The following CD200R1 variants were observed in gnomAD, a reference collection of about 807,000 sequenced individuals.
The protein encoded by CD200R1 is CD200 receptor 1.
A neutral mutation model predicts 38.1 loss-of-function variants in CD200R1; 30 were observed. That is an observed-to-expected ratio of 0.79 (90% CI 0.59 to 1.07). The LOEUF (loss-of-function observed/expected upper bound fraction) is 1.07, where lower values mean the gene tolerates loss of function less well. Ranked by LOEUF, CD200R1 falls within the 50% of genes least tolerant of loss-of-function variation. The pLI, the probability that CD200R1 is intolerant of heterozygous loss-of-function variation, is 0.00. For missense variants in CD200R1, 372 were observed against 415.4 expected (o/e 0.90, Z 0.91); for synonymous variants, 128 against 152.1 (o/e 0.84, Z 1.16).
At chr3:112,938,581 A>G (rs990454053) in intron 2 of CD200R1, among the ~76,000 whole-genome samples, 3 of 152,130 alleles carry the variant, frequency 2.0e-5, no homozygotes, top group African/African-American at 7.2e-5. Flanking sequence ...CCTCAGTCCA[A>G]TAATGAGTAA....
At chr3:112,959,775 G>C (rs1932971918) in intron 1 of CD200R1, among the ~76,000 whole-genome samples, 1 of 152,014 alleles carries the variant, frequency 6.6e-6, no homozygotes, top group Non-Finnish European at 1.5e-5. Context: ...GATCTTCAAA[G>C]TTATTATAAT....
chr3:112,970,869 T>C (rs185009251), intron 1 of CD200R1, among the ~76,000 whole-genome samples: 15 of 152,316 alleles, frequency 9.8e-5, no homozygotes, highest in Admixed American at 5.2e-4. Context: ...AAGCACTCAA[T>C]TGATACTCCA....
chr3:112,957,412 A>G (rs2107335681), intron 1 of CD200R1, among the ~76,000 whole-genome samples: 1 of 152,352 alleles, frequency 6.6e-6, no homozygotes, highest in South Asian at 2.1e-4. Flanking sequence ...CAAGTTATTC[A>G]ACAACACATG....
At chr3:112,950,245 T>C (rs1198078766) in intron 1 of CD200R1, among the ~76,000 whole-genome samples, 2 of 151,930 alleles carry the variant, frequency 1.3e-5, no homozygotes, top group African/African-American at 4.8e-5. Context: ...GTAAGTTTAA[T>C]ACAAAAATTA....
intron 1 of CD200R1, among the ~76,000 whole-genome samples, chr3:112,965,777 T>C (rs1339075205): frequency 6.6e-6 from 1 of 151,556 alleles, no homozygotes; most frequent in Admixed American, 6.6e-5. Context: ...AAAAAAAAGA[T>C]ATTTAATAAT....
At chr3:112,949,837 C>T (rs1403187164) in intron 1 of CD200R1, among the ~76,000 whole-genome samples, 2 of 152,100 alleles carry the variant, frequency 1.3e-5, no homozygotes, top group Non-Finnish European at 2.9e-5. Flanking sequence ...TAGATCTGAA[C>T]GGGAATAGTT....
chr3:112,931,037 AG>A, intron 3 of CD200R1, 68 bp downstream of exon 3: 1 of 1,106,118 alleles, frequency 9.0e-7, no homozygotes. Context: ...TCAGGTCATT[AG>A]CTAATATTTC....
In CD200R1 at chr3:112,951,786, CA is replaced by C. The variant is rs60188199; in HGVS notation, c.68-3863del. Among the ~76,000 whole-genome samples the C allele has an allele frequency of 1.6e-3, 219 of 133,634 alleles. 4 individuals carry two copies. The South Asian group carries it at 0.037, about 23-fold the overall frequency. The allele number at this position is 133,634 out of a possible 152,430, so 87.7% of individuals were successfully genotyped here. A position where few individuals can be genotyped will look rare whatever the true frequency, so the allele number is the denominator to read the frequency against. The stretch of plus-strand genomic sequence containing the variant: ...AATTTTAAAAATGTTTACAATAATG[CA>C]AAAAAAAAAGCCTAGGAAAAAAAGG... On this transcript the variant is annotated intron_variant, in intron 1 of 7. Transcript: ENST00000308611.
intron 1 of CD200R1, among the ~76,000 whole-genome samples, chr3:112,965,454 T>C (rs1187927277): frequency 4.6e-5 from 7 of 152,084 alleles, no homozygotes; most frequent in Admixed American, 4.6e-4. Context: ...CATCAGGAGC[T>C]ATGAGGGATC....
At chr3:112,929,609 G>C in intron 3 of CD200R1, 102 bp from the exon 4 acceptor site, 1 of 1,068,776 alleles carries the variant, frequency 9.4e-7, no homozygotes, top group Non-Finnish European at 1.3e-6. Flanking sequence ...TAACTTTGTT[G>C]GTGATCTTAT....
Position 112,923,761 on chromosome 3 carries a change from G to T in CD200R1, c.963C>A (p.Asn321Lys), listed in dbSNP as rs758640630. The change falls in exon 8 of 8, where the codon AAC (asparagine) becomes AAA (lysine). Residue 321 changes from asparagine to lysine, a missense_variant. Asn to Lys is a moderately conservative substitution (Grantham distance 94). Coordinates refer to ENST00000308611, the MANE Select transcript of CD200R1 (RefSeq NM_138806.4). Reference sequence around the variant, plus strand: ...TGTTTGTAGTATCATAGAGAGGATTGTTCTTCTCTGTGTAGCTGGCATAGG... The same window carrying T: ...TGTTTGTAGTATCATAGAGAGGATTTTTCTTCTCTGTGTAGCTGGCATAGG... ...MQPYASYTEK[N>K]NPLYDTTNKV... 6.2e-7 allele frequency: 1 copy of T among 1,607,574 alleles called. No homozygotes were observed. Among genetic ancestry groups the T allele is most frequent in the Non-Finnish European group, 8.5e-7 (1 of 1,176,210 alleles).
At chr3:112,974,267 C>T (rs1933382311) in intron 1 of CD200R1, among the ~76,000 whole-genome samples, 1 of 152,070 alleles carries the variant, frequency 6.6e-6, no homozygotes, top group Non-Finnish European at 1.5e-5. Context: ...AAGACTCTAT[C>T]TCTACCAAAA....
chr3:112,947,784 T>G, intron 2 of CD200R1, 72 bp downstream of exon 2: 1 of 924,246 alleles, frequency 1.1e-6, no homozygotes, highest in Non-Finnish European at 1.8e-6. Flanking sequence ...CAATTCAAGA[T>G]CCAAAAATGT....
At chr3:112,948,697 AG>A in intron 1 of CD200R1, among the ~76,000 whole-genome samples, 1 of 152,212 alleles carries the variant, frequency 6.6e-6, no homozygotes. Context: ...CTGCAGCCCC[AG>A]GGTTGGGGAC....
chr3:112,971,604 A>C (rs1576158228), intron 1 of CD200R1, among the ~76,000 whole-genome samples: 1 of 152,158 alleles, frequency 6.6e-6, no homozygotes, highest in Non-Finnish European at 1.5e-5. Context: ...CCGCCACTCA[A>C]TGGGACACTG....
intron 1 of CD200R1, among the ~76,000 whole-genome samples, chr3:112,950,317 C>G (rs1474349603): frequency 6.6e-6 from 1 of 151,422 alleles, no homozygotes; most frequent in Admixed American, 6.6e-5. Context: ...CAGAGAATTG[C>G]TTGAACCCGG....
At chr3:112,959,884 C>A (rs1932974965) in intron 1 of CD200R1, among the ~76,000 whole-genome samples, 1 of 152,030 alleles carries the variant, frequency 6.6e-6, no homozygotes, top group South Asian at 2.1e-4. Flanking sequence ...TTTCTTGCTT[C>A]TTTCTTGAAT....
At position 112,921,270 on chromosome 3, in the gene CD200R1, T is replaced by C. The variant is rs1256605657; in HGVS notation, c.*2407A>G. On this transcript the variant is annotated 3_prime_UTR_variant, in exon 8 of 8. Coordinates refer to ENST00000308611, the MANE Select transcript of CD200R1 (RefSeq NM_138806.4). ...TGATGGTTTCACAGATGTAAAACTA[T>C]GTCAACATTTACCAAAGTCCACATT... 6.6e-6 allele frequency: 1 copy of C among 152,082 alleles called. No individual in the cohort carries two copies. The highest frequency in any genetic ancestry group is 1.9e-4 in the East Asian group (1 of 5,182). 9.4% of individuals were successfully genotyped at this position (152,082 alleles called of 1,614,324 possible).
chr3:112,952,483 G>A (rs1170866484), intron 1 of CD200R1, among the ~76,000 whole-genome samples: 1 of 152,132 alleles, frequency 6.6e-6, no homozygotes, highest in Non-Finnish European at 1.5e-5. Context: ...CATGTCCTTT[G>A]CAGGGACATG....
Sources: gnomAD v4.1 joint callset for allele counts (sites outside exome capture counted in the v4.1 genomes callset) on GRCh38, gnomAD v4.1.1 for gene constraint, MANE v1.5 for transcripts, NCBI Gene and HGNC (gene_info 2026-07-23, HGNC 2026-07-21) for gene names.